Variants in ME1 observed in about 807,000 individuals in gnomAD.
ME1 encodes NADP-dependent malic enzyme.
ME1 carries 74 observed loss-of-function variants against 66.4 expected under a neutral mutation model. The ratio of observed to expected loss-of-function variants is 1.11; its 90% confidence interval spans 0.92 to 1.35. The LOEUF is 1.35. Among genes scored for constraint, ME1 ranks in the 40% most tolerant of loss-of-function variants. The probability of loss-of-function intolerance (pLI) is 0.00; values close to 1 mark genes in which losing one functional copy is unlikely to be tolerated. For missense variants in ME1, 750 were observed against 694.1 expected (o/e 1.08, Z -0.90); for synonymous variants, 251 against 235.6 (o/e 1.07, Z -0.60).
Position 83,216,758 on chromosome 6 carries a change from T to G in ME1, c.1450-162A>C, listed in dbSNP as rs1314345754. Among the ~76,000 whole-genome samples, 3 of 152,138 alleles carry G rather than the reference T, an allele frequency of 2.0e-5. No homozygotes were observed. The East Asian group carries it at 5.8e-4, about 29-fold the overall frequency. The stretch of plus-strand genomic sequence containing the variant: ...ATCCCCACTTCTATCAACAAAGAAA[T>G]AAGCCCAGAGTGGTGTGGTGGTGGT... On this transcript the variant is annotated intron_variant, in intron 12 of 13. Transcript: ENST00000369705.
intron 2 of ME1, among the ~76,000 whole-genome samples, chr6:83,403,116 T>C (rs1769867571): frequency 6.6e-6 from 1 of 152,198 alleles, no homozygotes; most frequent in South Asian, 2.1e-4. Context: ...AGAGTAAACA[T>C]CACCCAAGGA....
intron 3 of ME1, among the ~76,000 whole-genome samples, chr6:83,380,643 T>A (rs1053069257): frequency 2.0e-5 from 3 of 152,138 alleles, no homozygotes; most frequent in Non-Finnish European, 4.4e-5. Flanking sequence ...GAATGAATGA[T>A]GTTGCACCTT....
At chr6:83,226,364 A>T (rs1790198846) in intron 11 of ME1, among the ~76,000 whole-genome samples, 1 of 152,152 alleles carries the variant, frequency 6.6e-6, no homozygotes, top group South Asian at 2.1e-4. Flanking sequence ...TTAATTAAAC[A>T]CTTGTTTATT....
intron 6 of ME1, among the ~76,000 whole-genome samples, chr6:83,282,318 G>C (rs1347537018): frequency 6.6e-6 from 1 of 152,154 alleles, no homozygotes; most frequent in African/African-American, 2.4e-5. Flanking sequence ...TCATCAGAGT[G>C]AACAGGCAAC....
At chr6:83,254,291 G>A (rs577303058) in intron 6 of ME1, among the ~76,000 whole-genome samples, 17 of 152,280 alleles carry the variant, frequency 1.1e-4, no homozygotes, top group Admixed American at 1.1e-3. Flanking sequence ...AGGGTGTAGT[G>A]AAAGATACGG....
chr6:83,412,047 G>A (rs1770057974), intron 1 of ME1, among the ~76,000 whole-genome samples: 2 of 152,108 alleles, frequency 1.3e-5, no homozygotes, highest in Non-Finnish European at 2.9e-5. Flanking sequence ...CATGACGAAG[G>A]ACTTATATTA....
chr6:83,368,745 A>G (rs1003188430), intron 3 of ME1, among the ~76,000 whole-genome samples: 1 of 152,010 alleles, frequency 6.6e-6, no homozygotes, highest in Non-Finnish European at 1.5e-5. Flanking sequence ...CTGGATAAAA[A>G]TAGGAGTTTT....
intron 1 of ME1, among the ~76,000 whole-genome samples, chr6:83,424,783 T>C (rs1268162763): frequency 6.6e-6 from 1 of 152,236 alleles, no homozygotes; most frequent in Non-Finnish European, 1.5e-5. Flanking sequence ...ATTTATTTTA[T>C]CAAAGTTCTG....
chr6:83,425,749 T>C (rs1770359264), intron 1 of ME1, among the ~76,000 whole-genome samples: 1 of 152,220 alleles, frequency 6.6e-6, no homozygotes, highest in African/African-American at 2.4e-5. Flanking sequence ...ACTCAACCAT[T>C]ACCTGATTAT....
chr6:83,326,364 T>C (rs1768291062), intron 5 of ME1, among the ~76,000 whole-genome samples: 1 of 152,090 alleles, frequency 6.6e-6, no homozygotes, highest in Non-Finnish European at 1.5e-5. Context: ...CCAAAAGCAA[T>C]GGCAACAAAA....
intron 9 of ME1, among the ~76,000 whole-genome samples, chr6:83,233,339 T>A (rs542824337): frequency 5.3e-5 from 8 of 152,132 alleles, no homozygotes; most frequent in Non-Finnish European, 1.0e-4. Context: ...AACTAAAGCA[T>A]CTTATGTTTA....
At chr6:83,364,713 ATATC>A (rs532188010) in intron 3 of ME1, among the ~76,000 whole-genome samples, 35 of 151,496 alleles carry the variant, frequency 2.3e-4, no homozygotes, top group East Asian at 7.8e-4. Flanking sequence ...GGGTATATAC[ATATC>A]TATCTATCTA....
intron 2 of ME1, among the ~76,000 whole-genome samples, chr6:83,404,503 T>C (rs995594624): frequency 6.6e-6 from 1 of 152,196 alleles, no homozygotes; most frequent in East Asian, 1.9e-4. Flanking sequence ...TCTAAGCTCT[T>C]TGGTTCAATT....
rs530916479 is a variant in ME1, at chr6:83,302,275, G to C, written c.704+13035C>G. Among the ~76,000 whole-genome samples, 43 of 152,106 alleles carry C rather than the reference G, an allele frequency of 2.8e-4. No individual in the cohort carries two copies. The South Asian group carries it at 8.7e-3, about 31-fold the overall frequency. The stretch of plus-strand genomic sequence containing the variant: ...ATAAGAACATGTGAACACAAAGAAG[G>C]GAACAACAGACACTGCAGCTTACTT... On this transcript the variant is annotated intron_variant, in intron 6 of 13. Coordinates refer to ENST00000369705, the MANE Select transcript of ME1 (RefSeq NM_002395.6).
chr6:83,369,487 G>T (rs1769154699), intron 3 of ME1, among the ~76,000 whole-genome samples: 1 of 151,962 alleles, frequency 6.6e-6, no homozygotes, highest in Admixed American at 6.6e-5. Context: ...TACTAAGATG[G>T]ATATAACACC....
intron 3 of ME1, among the ~76,000 whole-genome samples, chr6:83,363,697 T>C (rs1363938346): frequency 6.6e-6 from 1 of 152,228 alleles, no homozygotes; most frequent in African/African-American, 2.4e-5. Context: ...AGGACTGTAA[T>C]TGTCATGGGT....
chr6:83,358,551 C>A (rs1371591401), intron 3 of ME1, among the ~76,000 whole-genome samples: 3 of 152,148 alleles, frequency 2.0e-5, no homozygotes, highest in African/African-American at 7.2e-5. Context: ...GGCTGACCTG[C>A]AATGAAAGGT....
chr6:83,231,734 TC>T (rs781336804), intron 9 of ME1, among the ~76,000 whole-genome samples: 5 of 152,154 alleles, frequency 3.3e-5, no homozygotes, highest in Non-Finnish European at 7.4e-5. Context: ...CCCTTCATTC[TC>T]CCTTTTCAGG....
intron 1 of ME1, among the ~76,000 whole-genome samples, chr6:83,409,951 T>A (rs1461317882): frequency 6.6e-6 from 1 of 152,248 alleles, no homozygotes; most frequent in African/African-American, 2.4e-5. Context: ...CAATTGTGTC[T>A]GGACCAATCA....
Sources: gnomAD v4.1 joint callset for allele counts (sites outside exome capture counted in the v4.1 genomes callset) on GRCh38, gnomAD v4.1.1 for gene constraint, MANE v1.5 for transcripts, NCBI Gene and HGNC (gene_info 2026-07-23, HGNC 2026-07-21) for gene names.